The following RASSF3 variants were observed in gnomAD, a reference collection of about 807,000 sequenced individuals.
RASSF3 encodes the protein Ras association domain family member 3.
Under a neutral mutation model 19.9 loss-of-function variants are expected in RASSF3, and 19 were observed. The observed-to-expected ratio is 0.96, with a 90% CI of 0.67 to 1.40. The LOEUF (loss-of-function observed/expected upper bound fraction) is 1.40. Among genes scored for constraint, RASSF3 ranks in the 40% most tolerant of loss-of-function variants. The pLI is 0.00. For missense variants in RASSF3, 306 were observed against 289.8 expected (o/e 1.06, Z -0.41); for synonymous variants, 110 against 104.2 (o/e 1.06, Z -0.34).
chr12:64,560,080 T>C (rs529838215), intron 2 of RASSF3, among the ~76,000 whole-genome samples: 16 of 152,140 alleles, frequency 1.1e-4, no homozygotes, highest in Admixed American at 3.3e-4. Flanking sequence ...TGGTAGTTCT[T>C]ACTATGAAAT....
chr12:64,655,748 C>T lies in RASSF3; in HGVS notation c.112-29039C>T, dbSNP rs990287713. 4.6e-5 allele frequency among the ~76,000 whole-genome samples: 7 copies of T among 152,050 alleles called. 3 individuals carry two copies. Among genetic ancestry groups the T allele is most frequent in the Admixed American group, 4.6e-4 (7 of 15,260 alleles). ...TCTTAAAAATATCATAAATTTGGGC[C>T]GGGTGCAGTAGCTCACGCCTGTAAT... On this transcript the variant is annotated intron_variant, in intron 1 of 4. Coordinates refer to ENST00000542104, the MANE Select transcript of RASSF3 (RefSeq NM_178169.4).
intron 1 of RASSF3, among the ~76,000 whole-genome samples, chr12:64,657,131 C>T (rs1020654059): frequency 6.6e-6 from 1 of 151,718 alleles, no homozygotes; most frequent in African/African-American, 2.4e-5. Context: ...CCTGCCTCAA[C>T]CTCCCTTGTA....
At chr12:64,644,308 C>G (rs1020891330) in intron 1 of RASSF3, among the ~76,000 whole-genome samples, 7 of 152,078 alleles carry the variant, frequency 4.6e-5, no homozygotes, top group African/African-American at 1.7e-4. Flanking sequence ...TGGCCTAGAG[C>G]GTAGCTTGAA....
At position 64,516,974 on chromosome 12, in the gene RASSF3, G is replaced by C. The variant is rs561847258; in HGVS notation, c.169+9645G>C. Reference sequence around the variant, plus strand: ...AAATCGCACCATTGCACTCCAGCCTGGGTGAGAAAGTGAAAATCTGTCTCA... The same window carrying C: ...AAATCGCACCATTGCACTCCAGCCTCGGTGAGAAAGTGAAAATCTGTCTCA... On this transcript the variant is annotated intron_variant, in intron 1 of 5. Transcript: ENST00000637125. Among the ~76,000 whole-genome samples the C allele has an allele frequency of 2.8e-5, 4 of 145,228 alleles. No individual in the cohort carries two copies. In the East Asian group the frequency reaches 7.9e-4, roughly 29 times the overall value.
upstream of RASSF3, among the ~76,000 whole-genome samples, chr12:64,531,732 C>A (rs1158855163): frequency 2.0e-5 from 3 of 152,180 alleles, no homozygotes; most frequent in African/African-American, 7.2e-5. Context: ...TGTAAACACC[C>A]ATTTCAGAAC....
At chr12:64,604,014 A>AT (rs1209719422) in intron 2 of RASSF3, among the ~76,000 whole-genome samples, 1 of 151,704 alleles carries the variant, frequency 6.6e-6, no homozygotes, top group Non-Finnish European at 1.5e-5. Context: ...CGCCCAGCTC[A>AT]TTTTTGTATT....
At chr12:64,654,723 C>T (rs184011824) in intron 1 of RASSF3, 10 of 150,990 alleles carry the variant, frequency 6.6e-5, no homozygotes, top group African/African-American at 1.7e-4. Context: ...AAATTAGCCA[C>T]GTGTGGTGGC....
At chr12:64,553,813 C>T (rs1316801528) in intron 2 of RASSF3, among the ~76,000 whole-genome samples, 1 of 151,900 alleles carries the variant, frequency 6.6e-6, no homozygotes. Flanking sequence ...CCTGTCTCTA[C>T]AAGAAATACA....
At chr12:64,590,415 G>A (rs997887713) in intron 2 of RASSF3, among the ~76,000 whole-genome samples, 1 of 152,100 alleles carries the variant, frequency 6.6e-6, no homozygotes, top group Non-Finnish European at 1.5e-5. Flanking sequence ...GTAGACATGA[G>A]CCCATGAACC....
Position 64,661,595 on chromosome 12 carries a change from T to C in RASSF3, c.112-23192T>C, listed in dbSNP as rs930896174. 2.0e-5 allele frequency among the ~76,000 whole-genome samples: 3 copies of C among 151,976 alleles called. No homozygotes were observed. In the South Asian group the frequency reaches 6.2e-4, roughly 32 times the overall value. Reference sequence around the variant, plus strand: ...AGTCCTAGCTAGCTGCTTGGGAGGCTGAGATGGGAGGATCATTTGAACCCA... The same window carrying C: ...AGTCCTAGCTAGCTGCTTGGGAGGCCGAGATGGGAGGATCATTTGAACCCA... On this transcript the variant is annotated intron_variant, in intron 1 of 4. Coordinates refer to ENST00000542104, the MANE Select transcript of RASSF3 (RefSeq NM_178169.4).
At chr12:64,655,755 A>G (rs1872134811) in intron 1 of RASSF3, among the ~76,000 whole-genome samples, 1 of 152,104 alleles carries the variant, frequency 6.6e-6, no homozygotes, top group African/African-American at 2.4e-5. Context: ...GGCCGGGTGC[A>G]GTAGCTCACG....
At chr12:64,565,167 G>GA (rs201749569) in intron 2 of RASSF3, among the ~76,000 whole-genome samples, 4,232 of 116,146 alleles carry the variant, frequency 0.036, 218 homozygotes, top group African/African-American at 0.12. Flanking sequence ...TTGAGAATCA[G>GA]AAAAAAAAAA....
chr12:64,652,813 A>G (rs1171007210), intron 1 of RASSF3, among the ~76,000 whole-genome samples: 2 of 152,198 alleles, frequency 1.3e-5, no homozygotes, highest in African/African-American at 4.8e-5. Flanking sequence ...TTGCAGTATA[A>G]TTCTATTTAC....
At chr12:64,687,381 T>C (rs540003125) in intron 2 of RASSF3, among the ~76,000 whole-genome samples, 1 of 152,302 alleles carries the variant, frequency 6.6e-6, no homozygotes, top group South Asian at 2.1e-4. Context: ...TAAGAAATAG[T>C]AATTCTACCA....
At chr12:64,536,744 G>A (rs984083528) in intron 1 of RASSF3, among the ~76,000 whole-genome samples, 15 of 152,218 alleles carry the variant, frequency 9.9e-5, no homozygotes, top group African/African-American at 3.4e-4. Flanking sequence ...GAAAACAGAA[G>A]ATGAGCAGGC....
At chr12:64,600,938 C>A (rs1174300719) in intron 2 of RASSF3, among the ~76,000 whole-genome samples, 1 of 152,086 alleles carries the variant, frequency 6.6e-6, no homozygotes, top group Non-Finnish European at 1.5e-5. Context: ...TCATTGTAAC[C>A]TTCCATAGTG....
intron 1 of RASSF3, among the ~76,000 whole-genome samples, chr12:64,651,204 A>T (rs1428231285): frequency 6.6e-6 from 1 of 152,200 alleles, no homozygotes; most frequent in Admixed American, 6.5e-5. Flanking sequence ...TTAAAAAAAA[A>T]TTTAGTTACA....
chr12:64,554,155 T>A (rs1295180395), intron 2 of RASSF3, among the ~76,000 whole-genome samples: 1 of 152,196 alleles, frequency 6.6e-6, no homozygotes, highest in African/African-American at 2.4e-5. Context: ...TATCTTTCTC[T>A]TCTCTGGGTC....
chr12:64,545,517 TAGAG>T (rs1285381773), downstream of RASSF3, among the ~76,000 whole-genome samples: 2 of 152,216 alleles, frequency 1.3e-5, no homozygotes, highest in South Asian at 4.1e-4. Context: ...ATTGATGTCT[TAGAG>T]AGTGCCAGAT....
Sources: allele counts gnomAD v4.1 joint callset (sites outside exome capture counted in the v4.1 genomes callset), GRCh38; gene constraint gnomAD v4.1.1; transcripts MANE v1.5; gene names NCBI Gene and HGNC (gene_info 2026-07-23, HGNC 2026-07-21).